Variants in KCNQ5 observed in about 807,000 individuals in gnomAD.
KCNQ5 encodes potassium voltage-gated channel subfamily Q member 5, also known as potassium voltage-gated channel subfamily KQT member 5.
A neutral mutation model predicts 98.2 loss-of-function variants in KCNQ5; 30 were observed. That is an observed-to-expected ratio of 0.31 (90% CI 0.23 to 0.41). The LOEUF is 0.41. Among genes scored for constraint, KCNQ5 ranks in the 10% least tolerant of loss-of-function variants. The pLI is 1.00. For synonymous variants in KCNQ5, 458 were observed against 449.4 expected, an observed-to-expected ratio of 1.02 and a Z score of -0.24; for missense variants, 835 against 1,182.5, an observed-to-expected ratio of 0.71 and a Z score of 4.31.
intron 1 of KCNQ5, among the ~76,000 whole-genome samples, chr6:72,776,541 A>G (rs1773170140): frequency 6.6e-6 from 1 of 152,224 alleles, no homozygotes; most frequent in Non-Finnish European, 1.5e-5. Flanking sequence ...CACTCTTTCA[A>G]CAAATATAAT....
At chr6:73,053,265 A>G (rs897031990) in intron 3 of KCNQ5, among the ~76,000 whole-genome samples, 1 of 152,230 alleles carries the variant, frequency 6.6e-6, no homozygotes, top group South Asian at 2.1e-4. Context: ...TTAGACACCC[A>G]CAAAGAGATT....
chr6:73,086,527 T>G (rs1361721), intron 5 of KCNQ5, among the ~76,000 whole-genome samples: 1 of 151,984 alleles, frequency 6.6e-6, no homozygotes, highest in Non-Finnish European at 1.5e-5. Context: ...AAAGCCTCCC[T>G]TCAAGTCAGA....
intron 1 of KCNQ5, among the ~76,000 whole-genome samples, chr6:72,679,135 G>T (rs1164710997): frequency 6.6e-6 from 1 of 152,126 alleles, no homozygotes; most frequent in Non-Finnish European, 1.5e-5. Context: ...TGACAGGCAA[G>T]AATTTTCTAG....
chr6:73,153,198 A>G (rs1777224095), intron 10 of KCNQ5, among the ~76,000 whole-genome samples: 1 of 152,034 alleles, frequency 6.6e-6, no homozygotes, highest in African/African-American at 2.4e-5. Flanking sequence ...AGCTTTTCTC[A>G]GTGTTGGCAT....
intron 1 of KCNQ5, among the ~76,000 whole-genome samples, chr6:72,828,474 C>CT (rs1330229635): frequency 2.0e-5 from 3 of 151,900 alleles, no homozygotes; most frequent in Middle Eastern, 6.8e-3. Context: ...AGGTATTTTA[C>CT]TTTTTTGTAG....
chr6:73,042,899 C>CT (rs2150358307), intron 3 of KCNQ5, among the ~76,000 whole-genome samples: 1 of 152,260 alleles, frequency 6.6e-6, no homozygotes, highest in African/African-American at 2.4e-5. Context: ...GGCTCTCTTG[C>CT]TTTTTTGTCT....
At chr6:72,866,385 G>C (rs1777987651) in intron 1 of KCNQ5, among the ~76,000 whole-genome samples, 1 of 150,492 alleles carries the variant, frequency 6.6e-6, no homozygotes, top group Non-Finnish European at 1.5e-5. Context: ...TTCCTAAGTA[G>C]TTGGGACTAC....
At chr6:72,988,649 C>CTTTTTT (rs71540364) in intron 1 of KCNQ5, among the ~76,000 whole-genome samples, 98 of 127,418 alleles carry the variant, frequency 7.7e-4, no homozygotes, top group Non-Finnish European at 9.7e-4. Context: ...GCATGATTTT[C>CTTTTTT]TTTTTTTTTT....
intron 2 of KCNQ5, among the ~76,000 whole-genome samples, chr6:73,005,801 A>T (rs1285645519): frequency 6.6e-6 from 1 of 152,228 alleles, no homozygotes; most frequent in Non-Finnish European, 1.5e-5. Flanking sequence ...CTACAGATAT[A>T]TATTCGCAGA....
intron 3 of KCNQ5, among the ~76,000 whole-genome samples, chr6:73,051,750 G>C (rs1484532900): frequency 7.4e-6 from 1 of 135,582 alleles, no homozygotes; most frequent in African/African-American, 2.9e-5. Flanking sequence ...ACTATCCAAA[G>C]GACAGCAATT....
chr6:73,175,268 C>A (rs143569715), intron 11 of KCNQ5, among the ~76,000 whole-genome samples: 8,020 of 152,012 alleles, frequency 0.053, 265 homozygotes, highest in East Asian at 0.11. Context: ...CTCCTGCCTC[C>A]GCCTCCTGAG....
intron 5 of KCNQ5, among the ~76,000 whole-genome samples, chr6:73,104,337 C>A (rs1267905625): frequency 6.6e-6 from 1 of 152,126 alleles, no homozygotes; most frequent in Non-Finnish European, 1.5e-5. Context: ...ATCAAGAGAG[C>A]AATCCCATTT....
chr6:72,781,528 TG>T lies in KCNQ5; in HGVS notation c.398+158944del, dbSNP rs1463205256. ...AAATCACTCATAGTTGATGATCTCATGGGCCTGCCATCTTTGTCTTTATTGC... is the reference window on the plus strand; with the variant it reads ...AAATCACTCATAGTTGATGATCTCATGGCCTGCCATCTTTGTCTTTATTGC... On this transcript the variant is annotated intron_variant, in intron 1 of 13. Coordinates refer to ENST00000370398, the MANE Select transcript of KCNQ5 (RefSeq NM_019842.4). 1.1e-4 allele frequency among the ~76,000 whole-genome samples: 16 copies of T among 152,290 alleles called. No individual in the cohort carries two copies. The East Asian group carries it at 2.5e-3, about 24-fold the overall frequency.
At chr6:72,644,973 T>G (rs1175876924) in intron 1 of KCNQ5, among the ~76,000 whole-genome samples, 1 of 152,154 alleles carries the variant, frequency 6.6e-6, no homozygotes, top group African/African-American at 2.4e-5. Context: ...AGTATGACAC[T>G]TAGAACATGA....
chr6:72,850,291 A>C (rs972138316), intron 1 of KCNQ5, among the ~76,000 whole-genome samples: 1 of 152,160 alleles, frequency 6.6e-6, no homozygotes, highest in Non-Finnish European at 1.5e-5. Flanking sequence ...AATCTAAAGT[A>C]GTTTACTTAT....
chr6:72,747,419 C>T lies in KCNQ5; in HGVS notation c.398+124832C>T, dbSNP rs190438030. On this transcript the variant is annotated intron_variant, in intron 1 of 13. Coordinates refer to ENST00000370398, the MANE Select transcript of KCNQ5 (RefSeq NM_019842.4). The stretch of plus-strand genomic sequence containing the variant: ...AACAATTCTGTTGAAAATAGTTCCT[C>T]GGGCTTCATGGGACTGCCAAAGTGG... Among the ~76,000 whole-genome samples the T allele has an allele frequency of 1.8e-3, 280 of 152,214 alleles. 1 individual carries two copies. The highest frequency in any genetic ancestry group is 6.5e-3 in the African/African-American group (269 of 41,546).
intron 1 of KCNQ5, among the ~76,000 whole-genome samples, chr6:72,687,911 T>C (rs986715973): frequency 1.3e-5 from 2 of 150,582 alleles, no homozygotes; most frequent in South Asian, 4.2e-4. Context: ...TGATGTCGGC[T>C]CATTGCAACC....
chr6:72,806,639 C>T (rs184646362), intron 1 of KCNQ5, among the ~76,000 whole-genome samples: 2 of 152,126 alleles, frequency 1.3e-5, no homozygotes, highest in South Asian at 2.1e-4. Context: ...AAAATATTAT[C>T]TGAAAATTGC....
chr6:72,658,578 A>ATATATATT (rs1226386362), intron 1 of KCNQ5, among the ~76,000 whole-genome samples: 21 of 76,368 alleles, frequency 2.7e-4, no homozygotes, highest in African/African-American at 5.7e-4. Flanking sequence ...ATATATATAT[A>ATATATATT]TTTTTTTTTT....
Sources: gnomAD v4.1 joint callset for allele counts (sites outside exome capture counted in the v4.1 genomes callset) on GRCh38, gnomAD v4.1.1 for gene constraint, MANE v1.5 for transcripts, NCBI Gene and HGNC (gene_info 2026-07-23, HGNC 2026-07-21) for gene names.